PAXBP1: variants seen among roughly 807,000 people sequenced by gnomAD.
The protein encoded by PAXBP1 is PAX3 and PAX7 binding protein 1.
In PAXBP1, 44 loss-of-function variants were observed where a neutral mutation model predicts 119.9. The ratio of observed to expected loss-of-function variants is 0.37; its 90% CI spans 0.29 to 0.47. PAXBP1 has a LOEUF of 0.47. Among genes scored for constraint, PAXBP1 ranks in the 20% least tolerant of loss-of-function variants. The pLI is 0.99. For synonymous variants in PAXBP1, 393 were observed against 406.6 expected (o/e 0.97, Z 0.40); for missense variants, 898 against 1,134.1 (o/e 0.79, Z 2.99).
intron 11 of PAXBP1, 41 bp downstream of exon 11, chr21:32,748,458 T>C: frequency 6.4e-7 from 1 of 1,552,060 alleles, no homozygotes; most frequent in Non-Finnish European, 8.7e-7. Context: ...TACCCAGATA[T>C]CAAATTATAA....
At chr21:32,743,932 A>G (rs1431768701) in intron 13 of PAXBP1, among the ~76,000 whole-genome samples, 178 bp from the exon 14 acceptor site, 3 of 152,184 alleles carry the variant, frequency 2.0e-5, no homozygotes, top group Non-Finnish European at 4.4e-5. Context: ...TTCATTCCTC[A>G]ACAACTGCCA....
chr21:32,753,120 A>G (rs141657435), intron 8 of PAXBP1, among the ~76,000 whole-genome samples: 21 of 152,252 alleles, frequency 1.4e-4, no homozygotes, highest in African/African-American at 4.8e-4. Flanking sequence ...AACTATAAAA[A>G]TAATTCCAGA....
Position 32,762,299 on chromosome 21 carries a change from G to A in PAXBP1, c.668C>T (p.Ala223Val), listed in dbSNP as rs576995361. 6.2e-7 allele frequency: 1 copy of A among 1,613,594 alleles called. No homozygotes were observed. Among genetic ancestry groups the A allele is most frequent in the Non-Finnish European group, 8.5e-7 (1 of 1,179,796 alleles). ...CTTTTTCCTTGCAGCATGTATAAAA[G>A]CTGCATCTGGAATTTCTCCTAGAAA... ...VLRPGEIPDA[A>V]FIHAARKKRQ... Residue 223 changes from alanine (A) to valine (V), a missense_variant, in exon 4 of 18, where the codon GCT (alanine) becomes GTT (valine). By Grantham distance (64) the Ala-to-Val change is moderately conservative (BLOSUM62 0). This residue lies in a region of PAXBP1 where 599 missense variants were observed against 852.7 expected (regional missense o/e 0.70). Coordinates refer to ENST00000331923, the MANE Select transcript of PAXBP1 (RefSeq NM_016631.4).
At chr21:32,741,791 C>T (rs1256382143) in intron 15 of PAXBP1, among the ~76,000 whole-genome samples, 1 of 152,152 alleles carries the variant, frequency 6.6e-6, no homozygotes, top group East Asian at 1.9e-4. Context: ...CTATGGCAAC[C>T]CTCAAGGGAG....
Position 32,764,442 on chromosome 21 carries a change from A to G in PAXBP1, c.555T>C (p.Asp185=), listed in dbSNP as rs1386244678. ...DGVIISEHGE[D]EMDMESEKEE... is the part of the protein sequence containing the mutation. The stretch of plus-strand genomic sequence containing the variant: ...CTTTTTCACTTTCCATATCCATTTC[A>G]TCTTCACCATGTTCACTGATGATAA... The change falls in exon 3 of 18, where the codon GAT becomes GAC. Residue 185 remains aspartate (D), a synonymous_variant. Transcript: ENST00000331923. 1 of 1,613,694 alleles carries G rather than the reference A, an allele frequency of 6.2e-7. No homozygotes were observed. The highest frequency in any genetic ancestry group is 2.2e-5 in the East Asian group (1 of 44,798).
At chr21:32,768,780 G>A (rs1402184122) in intron 2 of PAXBP1, among the ~76,000 whole-genome samples, 4 of 152,228 alleles carry the variant, frequency 2.6e-5, no homozygotes, top group Non-Finnish European at 4.4e-5. Flanking sequence ...TTCACAATCT[G>A]TCAACGTATC....
At chr21:32,749,067 G>A (rs1238859965) in intron 10 of PAXBP1, among the ~76,000 whole-genome samples, 1 of 152,162 alleles carries the variant, frequency 6.6e-6, no homozygotes, top group East Asian at 1.9e-4. Context: ...ATTAACAGCT[G>A]TGCATCATAA....
intron 10 of PAXBP1, 67 bp downstream of exon 10, chr21:32,750,850 T>C (rs1291810784): frequency 5.2e-6 from 6 of 1,161,950 alleles, no homozygotes; most frequent in Non-Finnish European, 7.5e-6. Flanking sequence ...AATCATTTCA[T>C]GGTAAAAACC....
intron 15 of PAXBP1, among the ~76,000 whole-genome samples, chr21:32,741,948 A>G (rs891498345): frequency 6.6e-6 from 1 of 152,162 alleles, no homozygotes; most frequent in African/African-American, 2.4e-5. Context: ...GAAAACCAAA[A>G]CCTAACTCTG....
intron 5 of PAXBP1, among the ~76,000 whole-genome samples, chr21:32,760,549 T>C (rs2044122527): frequency 6.6e-6 from 1 of 152,214 alleles, no homozygotes; most frequent in African/African-American, 2.4e-5. Context: ...GAGAAATCCA[T>C]CTTCTTCAAA....
In PAXBP1 at chr21:32,767,254, G is replaced by C. The variant is rs543570919; in HGVS notation, c.472+2560C>G. Among the ~76,000 whole-genome samples, 161 of 152,308 alleles carry C rather than the reference G, an allele frequency of 1.1e-3. 1 individual carries two copies. Among genetic ancestry groups the C allele is most frequent in the Non-Finnish European group, 2.0e-3 (134 of 68,018 alleles). On this transcript the variant is annotated intron_variant, in intron 2 of 17. Coordinates refer to ENST00000331923, the MANE Select transcript of PAXBP1 (RefSeq NM_016631.4). ...AAGTTAATTGTCTCTGCCTACTATA[G>C]AGGGTTGAAGGTAGGAAGAGTTCTG... is the stretch of plus-strand genomic sequence containing the variant.
In PAXBP1 at chr21:32,748,589, T is replaced by C. The variant is rs777922716; in HGVS notation, c.1833A>G (p.Thr611=). 1.2e-6 allele frequency: 2 copies of C among 1,614,096 alleles called. No homozygotes were observed. The highest frequency in any genetic ancestry group is 1.7e-6 in the Non-Finnish European group (2 of 1,179,966). ...GGCCAATGTAAGCATCTTTGTAGGATGTGTAGTATTTTGAACGCCATGCTT... is the reference window on the plus strand; with the variant it reads ...GGCCAATGTAAGCATCTTTGTAGGACGTGTAGTATTTTGAACGCCATGCTT... ...QFEAWRSKYY[T]SYKDAYIGLC... is the part of the protein sequence containing the mutation. Residue 611 remains threonine, a synonymous_variant, in exon 11 of 18, where the codon ACA becomes ACG. Coordinates refer to ENST00000331923, the MANE Select transcript of PAXBP1 (RefSeq NM_016631.4).
intron 3 of PAXBP1, among the ~76,000 whole-genome samples, chr21:32,762,598 T>C (rs970428284): frequency 6.6e-6 from 1 of 151,766 alleles, no homozygotes; most frequent in African/African-American, 2.4e-5. Context: ...AGTTTTATTT[T>C]AGCTATAATT....
chr21:32,745,756 A>G, intron 11 of PAXBP1, 38 bp from the exon 12 acceptor site: 1 of 1,610,250 alleles, frequency 6.2e-7, no homozygotes, highest in Non-Finnish European at 8.5e-7. Context: ...ATACTAAAAT[A>G]GTGGCTATTT....
chr21:32,764,575 G>A (rs775163581), intron 2 of PAXBP1, 51 bp from the exon 3 acceptor site: 1 of 1,402,764 alleles, frequency 7.1e-7, no homozygotes, highest in South Asian at 1.4e-5. Context: ...CATAAATTAA[G>A]AAAGTTTATT....
intron 11 of PAXBP1, among the ~76,000 whole-genome samples, 164 bp from the exon 12 acceptor site, chr21:32,745,882 G>C (rs2043864594): frequency 6.6e-6 from 1 of 152,180 alleles, no homozygotes; most frequent in Non-Finnish European, 1.5e-5. Flanking sequence ...TAAGGCCACA[G>C]TAACCAAAAC....
intron 15 of PAXBP1, among the ~76,000 whole-genome samples, chr21:32,739,430 C>A (rs1046985001): frequency 2.6e-5 from 4 of 152,148 alleles, no homozygotes; most frequent in African/African-American, 9.7e-5. Context: ...GAGGATTCAA[C>A]AAGATAATCT....
At chr21:32,766,648 C>T (rs2044246461) in intron 2 of PAXBP1, among the ~76,000 whole-genome samples, 1 of 152,226 alleles carries the variant, frequency 6.6e-6, no homozygotes, top group African/African-American at 2.4e-5. Flanking sequence ...AACTTTTGTG[C>T]CTTGACCCTA....
rs2044096400 is a variant in PAXBP1 at position 32,759,280 on chromosome 21, C to G, written c.1194-11G>C. 1 of 1,611,404 alleles carries G rather than the reference C, an allele frequency of 6.2e-7. No individual in the cohort carries two copies. Among genetic ancestry groups the G allele is most frequent in the East Asian group, 2.2e-5 (1 of 44,872 alleles). ...TTCATGGAGTCCAACCTTAGGAACA[C>G]AAAAGGATAAATATAACACATTTAC... On this transcript the variant is annotated splice_polypyrimidine_tract_variant and intron_variant, in intron 6 of 17. Coordinates refer to ENST00000331923, the MANE Select transcript of PAXBP1 (RefSeq NM_016631.4).
Sources: allele counts gnomAD v4.1 joint callset (sites outside exome capture counted in the v4.1 genomes callset), GRCh38; gene constraint gnomAD v4.1.1; regional missense constraint gnomAD v4.1.1; transcripts MANE v1.5; gene names NCBI Gene and HGNC (gene_info 2026-07-23, HGNC 2026-07-21).